NTRK3: variants seen among roughly 807,000 people sequenced by gnomAD.
The protein encoded by NTRK3 is NT-3 growth factor receptor.
NTRK3 carries 24 observed loss-of-function variants against 91.7 expected under a neutral mutation model. The ratio of observed to expected loss-of-function variants is 0.26; its 90% CI spans 0.19 to 0.37. The LOEUF (loss-of-function observed/expected upper bound fraction) is 0.37. Among genes scored for constraint, NTRK3 ranks in the 10% least tolerant of loss-of-function variants. The pLI, the probability that NTRK3 is intolerant of heterozygous loss-of-function variation, is 1.00. For missense variants in NTRK3, 880 were observed against 1,068.9 expected (o/e 0.82, Z 2.46); for synonymous variants, 483 against 404.0 (o/e 1.20, Z -2.34).
intron 13 of NTRK3, among the ~76,000 whole-genome samples, chr15:88,111,625 C>T (rs1480637721): frequency 6.6e-6 from 1 of 152,140 alleles, no homozygotes; most frequent in Non-Finnish European, 1.5e-5. Flanking sequence ...CCCTAGGTCT[C>T]CTTATATTCT....
intron 3 of NTRK3, among the ~76,000 whole-genome samples, chr15:88,230,727 A>T (rs2051110969): frequency 1.3e-5 from 2 of 152,230 alleles, no homozygotes; most frequent in Admixed American, 6.5e-5. Flanking sequence ...GAGAGGAAAC[A>T]TAAAAGACAA....
intron 11 of NTRK3, among the ~76,000 whole-genome samples, chr15:88,127,492 C>T (rs2053414604): frequency 6.6e-6 from 1 of 152,196 alleles, no homozygotes; most frequent in Non-Finnish European, 1.5e-5. Context: ...ATTCCCTGCC[C>T]CAACCCCAGA....
At chr15:88,180,043 G>A (rs1373052445) in intron 5 of NTRK3, among the ~76,000 whole-genome samples, 2 of 152,044 alleles carry the variant, frequency 1.3e-5, no homozygotes, top group African/African-American at 4.8e-5. Flanking sequence ...ATCACCACCA[G>A]GAATAATAAC....
At chr15:87,871,854 C>G in exon 19 of NTRK3, 1 of 222,488 alleles carries the variant, frequency 4.5e-6, no homozygotes, top group East Asian at 6.5e-5. Flanking sequence ...AGAAGACACT[C>G]CCAGTATTAT....
At chr15:88,037,695 A>C (rs528222136) in intron 13 of NTRK3, among the ~76,000 whole-genome samples, 4 of 152,342 alleles carry the variant, frequency 2.6e-5, no homozygotes, top group South Asian at 2.1e-4. Context: ...GACCTTAATG[A>C]GAGAAGTTTC....
In NTRK3 at chr15:88,165,066, G is replaced by T. The variant is rs1226133380; in HGVS notation, c.396-17663C>A. Among the ~76,000 whole-genome samples, 3 of 152,180 alleles carry T rather than the reference G, an allele frequency of 2.0e-5. No individual in the cohort carries two copies. The South Asian group carries it at 6.2e-4, about 31-fold the overall frequency. The stretch of plus-strand genomic sequence containing the variant: ...CCATGTAGATTCTCAAGGAGCTGAG[G>T]ATTGAATATGAACTGAGTTGAGGAG... On this transcript the variant is annotated intron_variant, in intron 5 of 18. Coordinates refer to ENST00000394480, the Ensembl canonical transcript of NTRK3.
At chr15:88,182,549 C>T (rs966443037) in intron 5 of NTRK3, among the ~76,000 whole-genome samples, 1 of 152,166 alleles carries the variant, frequency 6.6e-6, no homozygotes, top group Non-Finnish European at 1.5e-5. Context: ...GCAATAGACC[C>T]CTCCCCACCT....
chr15:88,139,505 A>G (rs2042182637), intron 6 of NTRK3, among the ~76,000 whole-genome samples: 3 of 152,200 alleles, frequency 2.0e-5, no homozygotes, highest in Admixed American at 1.3e-4. Context: ...GAAAAGAATC[A>G]GTGCTTTCTA....
intron 17 of NTRK3, among the ~76,000 whole-genome samples, chr15:87,923,326 T>G (rs139678123): frequency 3.3e-4 from 50 of 152,308 alleles, no homozygotes; most frequent in African/African-American, 1.1e-3. Context: ...GTCCCCACTT[T>G]CAGGCCAGGT....
chr15:88,200,373 C>T (rs2048197086), intron 3 of NTRK3, among the ~76,000 whole-genome samples: 1 of 152,208 alleles, frequency 6.6e-6, no homozygotes, highest in Non-Finnish European at 1.5e-5. Context: ...CTCTGCCTGG[C>T]ATCTGGTGTT....
At chr15:87,901,064 C>T (rs1037097011) in intron 17 of NTRK3, among the ~76,000 whole-genome samples, 1 of 152,032 alleles carries the variant, frequency 6.6e-6, no homozygotes, top group Non-Finnish European at 1.5e-5. Flanking sequence ...AGGCCAAGGG[C>T]AGGTTCAGAT....
intron 14 of NTRK3, among the ~76,000 whole-genome samples, chr15:87,983,431 C>T (rs569945795): frequency 2.0e-5 from 3 of 152,096 alleles, no homozygotes; most frequent in East Asian, 1.9e-4. Flanking sequence ...CAGGGAGCCC[C>T]GAGCAATACC....
chr15:88,202,107 T>A (rs2048354149), intron 3 of NTRK3, among the ~76,000 whole-genome samples: 1 of 152,114 alleles, frequency 6.6e-6, no homozygotes, highest in East Asian at 1.9e-4. Context: ...CAGCTGTTAA[T>A]AGCCATTCTC....
At chr15:88,247,284 C>G (rs890505670) in intron 3 of NTRK3, among the ~76,000 whole-genome samples, 1 of 152,194 alleles carries the variant, frequency 6.6e-6, no homozygotes, top group African/African-American at 2.4e-5. Context: ...AGAGCAGACA[C>G]CAACAGGCGG....
At chr15:88,035,232 C>A (rs1213605103) in intron 13 of NTRK3, among the ~76,000 whole-genome samples, 1 of 152,182 alleles carries the variant, frequency 6.6e-6, no homozygotes, top group Admixed American at 6.5e-5. Context: ...TGTGAAAGGA[C>A]AAGAGAGCCA....
At chr15:88,154,403 C>T (rs1336333433) in intron 5 of NTRK3, among the ~76,000 whole-genome samples, 1 of 152,224 alleles carries the variant, frequency 6.6e-6, no homozygotes, top group Non-Finnish European at 1.5e-5. Context: ...CCCTTAAAAT[C>T]TAATGCCTAT....
Position 88,242,414 on chromosome 15 carries a change from C to T in NTRK3, c.248+13492G>A, listed in dbSNP as rs141527457. ...CAAAACTCCATTTAGGAAAATTGCACCCTCTCCACCTTAGGGAAGCCACAT... is the reference window on the plus strand; with the variant it reads ...CAAAACTCCATTTAGGAAAATTGCATCCTCTCCACCTTAGGGAAGCCACAT... On this transcript the variant is annotated intron_variant, in intron 3 of 18. Transcript: ENST00000394480. Among the ~76,000 whole-genome samples, 837 of 152,260 alleles carry T rather than the reference C, an allele frequency of 5.5e-3. 3 individuals carry two copies. Among genetic ancestry groups the T allele is most frequent in the Middle Eastern group, 0.02 (6 of 294 alleles).
At chr15:88,093,115 C>T (rs1213105728) in intron 13 of NTRK3, among the ~76,000 whole-genome samples, 1 of 146,746 alleles carries the variant, frequency 6.8e-6, no homozygotes, top group Non-Finnish European at 1.5e-5. Context: ...ATTCTGCCTA[C>T]CACAGAAGGT....
intron 14 of NTRK3, among the ~76,000 whole-genome samples, chr15:88,006,341 G>A (rs1210253275): frequency 2.0e-5 from 3 of 152,204 alleles, no homozygotes; most frequent in African/African-American, 7.2e-5. Context: ...CACGTCTCAG[G>A]TGTCTTTCCA....
Sources: gnomAD v4.1 joint callset for allele counts (sites outside exome capture counted in the v4.1 genomes callset) on GRCh38, gnomAD v4.1.1 for gene constraint, MANE v1.5 for transcripts, NCBI Gene and HGNC (gene_info 2026-07-23, HGNC 2026-07-21) for gene names.